PTPRE: variants seen among roughly 807,000 people sequenced by gnomAD.
The protein encoded by PTPRE is receptor-type tyrosine-protein phosphatase epsilon.
In PTPRE, 51 loss-of-function variants were observed where a neutral mutation model predicts 102.0. The observed-to-expected ratio is 0.50, with a 90% CI of 0.40 to 0.63. The LOEUF (loss-of-function observed/expected upper bound fraction) is 0.63, where lower values mean the gene tolerates loss of function less well. Among genes scored for constraint, PTPRE ranks in the 30% least tolerant of loss-of-function variants. The probability of loss-of-function intolerance (pLI) is 0.00; values close to 1 mark genes in which losing one functional copy is unlikely to be tolerated. For synonymous variants in PTPRE, 345 were observed against 348.2 expected, an observed-to-expected ratio of 0.99 and a Z score of 0.10; for missense variants, 752 against 915.1, an observed-to-expected ratio of 0.82 and a Z score of 2.30.
intron 2 of PTPRE, among the ~76,000 whole-genome samples, chr10:128,025,259 G>A (rs1342175349): frequency 6.6e-6 from 1 of 150,442 alleles, no homozygotes; most frequent in Non-Finnish European, 1.5e-5. Context: ...ATTCTTTTAT[G>A]ACAAATTGCC....
chr10:128,029,074 A>C (rs137932060), intron 2 of PTPRE, among the ~76,000 whole-genome samples: 78 of 152,288 alleles, frequency 5.1e-4, no homozygotes, highest in African/African-American at 7.7e-4. Context: ...TCGGAGGCAG[A>C]TAAGAGTGGG....
At chr10:127,909,373 G>A (rs911620626) in intron 1 of PTPRE, among the ~76,000 whole-genome samples, 20 of 152,110 alleles carry the variant, frequency 1.3e-4, no homozygotes, top group African/African-American at 3.9e-4. Flanking sequence ...TCCCAGCTGT[G>A]CCTCAGTGGG....
chr10:127,945,853 C>T (rs1035328196), intron 1 of PTPRE, among the ~76,000 whole-genome samples: 2 of 152,154 alleles, frequency 1.3e-5, no homozygotes, highest in South Asian at 4.1e-4. Flanking sequence ...CCTGTGGGGT[C>T]GCTGACATCA....
In PTPRE at chr10:127,982,469, C is replaced by A. The variant is rs115040045; in HGVS notation, c.-8+173C>A. 5.9e-3 allele frequency among the ~76,000 whole-genome samples: 891 copies of A among 150,178 alleles called. 16 individuals are homozygous for A. Among genetic ancestry groups the A allele is most frequent in the African/African-American group, 0.021 (856 of 40,614 alleles). On this transcript the variant is annotated intron_variant, in intron 2 of 20. Coordinates refer to ENST00000254667, the MANE Select transcript of PTPRE (RefSeq NM_006504.6). Reference sequence around the variant, plus strand: ...CTTGCTTGAGCAGGCTCATATCACACCTTTTTGTTACATCATTTGCGTGTG... The same window carrying A: ...CTTGCTTGAGCAGGCTCATATCACAACTTTTTGTTACATCATTTGCGTGTG...
chr10:128,070,989 C>G lies in PTPRE; in HGVS notation c.1387+88C>G. 7.6e-7 allele frequency: 1 copy of G among 1,318,838 alleles called. No individual in the cohort carries two copies. Among genetic ancestry groups the G allele is most frequent in the Non-Finnish European group, 1.1e-6 (1 of 932,114 alleles). 81.7% of individuals were successfully genotyped at this position (1,318,838 alleles called of 1,614,324 possible). A position where few individuals can be genotyped will look rare whatever the true frequency, so the allele number is the denominator to read the frequency against. ...CCTGGAGAAGCCATTGACCGCTTAC[C>G]CCTGTGCACCAGGGTCAAAAGCAGG... On this transcript the variant is annotated intron_variant, in intron 15 of 20. Transcript: ENST00000254667. The surrounding 1 kb of genome is among the most constrained non-coding windows in gnomAD (Gnocchi z 4.8).
intron 1 of PTPRE, among the ~76,000 whole-genome samples, chr10:127,942,296 G>T (rs1218365972): frequency 6.6e-6 from 1 of 152,198 alleles, no homozygotes; most frequent in Non-Finnish European, 1.5e-5. Context: ...GTTGAGGAAA[G>T]GTGATCAGAG....
At chr10:127,955,371 G>A (rs1268267844) in intron 1 of PTPRE, among the ~76,000 whole-genome samples, 2 of 152,118 alleles carry the variant, frequency 1.3e-5, no homozygotes, top group East Asian at 1.9e-4. Context: ...CTTATCGAAG[G>A]CAAAGAGAAT....
At chr10:127,928,656 T>C (rs1208231657) in intron 1 of PTPRE, among the ~76,000 whole-genome samples, 2 of 152,188 alleles carry the variant, frequency 1.3e-5, no homozygotes, top group South Asian at 2.1e-4. Flanking sequence ...ACAACGCTGA[T>C]TGAGTGAACA....
At position 127,944,477 on chromosome 10, in the gene PTPRE, T is replaced by C. The variant is rs570047146; in HGVS notation, c.-31+37168T>C. Among the ~76,000 whole-genome samples, 4 of 80,826 alleles carry C rather than the reference T, an allele frequency of 4.9e-5. No individual in the cohort carries two copies. The highest frequency in any genetic ancestry group is 4.3e-4 in the Admixed American group (3 of 6,964). 53.0% of individuals were successfully genotyped at this position (80,826 alleles called of 152,430 possible). A position where few individuals can be genotyped will look rare whatever the true frequency, so the allele number is the denominator to read the frequency against. On this transcript the variant is annotated intron_variant, in intron 1 of 20. Coordinates refer to ENST00000254667, the MANE Select transcript of PTPRE (RefSeq NM_006504.6). This position sits in a 1 kb window ranked among gnomAD's most constrained non-coding sequence, Gnocchi z 4.2. ...ATGGATACATGGACAGACGGATGGATGGATGGATGGATGGATGGATGGATG... is the reference window on the plus strand; with the variant it reads ...ATGGATACATGGACAGACGGATGGACGGATGGATGGATGGATGGATGGATG...
intron 6 of PTPRE, among the ~76,000 whole-genome samples, chr10:128,051,091 A>G (rs994103084): frequency 3.3e-5 from 5 of 152,194 alleles, no homozygotes; most frequent in African/African-American, 1.2e-4. Flanking sequence ...CTTAATTCTC[A>G]TTTTCAAAAT....
intron 2 of PTPRE, among the ~76,000 whole-genome samples, chr10:127,983,401 T>G (rs1256532229): frequency 6.6e-6 from 1 of 152,208 alleles, no homozygotes; most frequent in Non-Finnish European, 1.5e-5. Flanking sequence ...TGGGGAACTC[T>G]TCTTGGGTAA....
rs1848515866 is a variant in PTPRE, at chr10:127,944,817, G to A, written c.-30-37457G>A. Among the ~76,000 whole-genome samples, 1 of 152,184 alleles carries A rather than the reference G, an allele frequency of 6.6e-6. No individual in the cohort carries two copies. Among genetic ancestry groups the A allele is most frequent in the Non-Finnish European group, 1.5e-5 (1 of 68,032 alleles). ...AAAGAAGATAGTGGCATAAAATTAG[G>A]TAGGTGGCAATGAGATGGAGAGAGT... is the stretch of plus-strand genomic sequence containing the variant. On this transcript the variant is annotated intron_variant, in intron 1 of 20. Transcript: ENST00000254667. The surrounding 1 kb of genome is among the most constrained non-coding windows in gnomAD (Gnocchi z 4.2).
chr10:127,963,714 G>T (rs1017997767), intron 1 of PTPRE, among the ~76,000 whole-genome samples: 1 of 152,064 alleles, frequency 6.6e-6, no homozygotes, highest in African/African-American at 2.4e-5. Flanking sequence ...GCACACACAC[G>T]TGCACACACG....
At chr10:128,020,022 CTGTGTGTGTG>C (rs34036600) in intron 2 of PTPRE, among the ~76,000 whole-genome samples, 5 of 150,696 alleles carry the variant, frequency 3.3e-5, no homozygotes, top group African/African-American at 1.2e-4. Flanking sequence ...AGGGTGGAGG[CTGTGTGTGTG>C]TGTGTGTGTG....
intron 1 of PTPRE, among the ~76,000 whole-genome samples, chr10:127,931,713 C>A (rs2135239808): frequency 6.6e-6 from 1 of 152,308 alleles, no homozygotes; most frequent in South Asian, 2.1e-4. Flanking sequence ...AGAAAAATGA[C>A]CCCACTCCAC....
chr10:127,935,100 G>A (rs1228904825), intron 1 of PTPRE, among the ~76,000 whole-genome samples: 1 of 152,108 alleles, frequency 6.6e-6, no homozygotes, highest in East Asian at 1.9e-4. Context: ...GGAGAGGCTG[G>A]CACCAGGACG....
At chr10:128,069,538 T>C in intron 12 of PTPRE, 154 bp from the exon 13 acceptor site, 1 of 973,798 alleles carries the variant, frequency 1.0e-6, no homozygotes, top group Non-Finnish European at 1.5e-6. Context: ...AGACCACAGC[T>C]CCCTCTGGTG....
chr10:128,030,887 C>G (rs1846691103), intron 2 of PTPRE, among the ~76,000 whole-genome samples: 1 of 152,210 alleles, frequency 6.6e-6, no homozygotes, highest in Non-Finnish European at 1.5e-5. Context: ...CCAGACCCCT[C>G]TAGACAGGGG....
At chr10:127,952,757 C>T (rs776201107) in intron 1 of PTPRE, among the ~76,000 whole-genome samples, 4 of 152,174 alleles carry the variant, frequency 2.6e-5, no homozygotes, top group African/African-American at 4.8e-5. Flanking sequence ...TTAAAAGTCT[C>T]ACTTTTGCTA....
Sources: allele counts gnomAD v4.1 joint callset (sites outside exome capture counted in the v4.1 genomes callset), GRCh38; gene constraint gnomAD v4.1.1; non-coding constraint Gnocchi (gnomAD v3.1); transcripts MANE v1.5; gene names NCBI Gene and HGNC (gene_info 2026-07-23, HGNC 2026-07-21).